The following UBA6 variants were observed in gnomAD, a reference collection of about 807,000 sequenced individuals.
The protein encoded by UBA6 is ubiquitin like modifier activating enzyme 6.
In UBA6, 87 loss-of-function variants were observed where a neutral mutation model predicts 148.3. The observed-to-expected ratio is 0.59, with a 90% confidence interval of 0.49 to 0.70. The LOEUF (loss-of-function observed/expected upper bound fraction) is 0.70, where lower values mean the gene tolerates loss of function less well. UBA6 is among the 30% of genes least tolerant of loss of function. The probability of loss-of-function intolerance (pLI) is 0.00; values close to 1 mark genes in which losing one functional copy is unlikely to be tolerated. For synonymous variants in UBA6, 376 were observed against 401.0 expected (o/e 0.94, Z 0.75); for missense variants, 1,186 against 1,241.2 (o/e 0.96, Z 0.67).
chr4:67,657,085 T>C (rs13135917), intron 13 of UBA6, among the ~76,000 whole-genome samples: 31,112 of 152,014 alleles, frequency 0.2, 3,435 homozygotes, highest in Middle Eastern at 0.3. Context: ...AGAATCAATA[T>C]CATTAAAACG....
intron 13 of UBA6, 132 bp from the exon 14 acceptor site, chr4:67,649,343 T>G: frequency 2.3e-6 from 2 of 851,074 alleles, no homozygotes; most frequent in Non-Finnish European, 3.5e-6. Flanking sequence ...TAAATATCTC[T>G]AAAAATGTCC....
chr4:67,665,427 GTTTGT>G (rs1729971059), intron 9 of UBA6, 135 bp from the exon 10 acceptor site: 11 of 402,990 alleles, frequency 2.7e-5, no homozygotes, highest in East Asian at 5.2e-5. Flanking sequence ...TTTTTTGTTT[GTTTGT>G]TTTTTTTTTT....
At chr4:67,682,768 T>C (rs1167526984) in intron 2 of UBA6, among the ~76,000 whole-genome samples, 3 of 152,212 alleles carry the variant, frequency 2.0e-5, no homozygotes, top group South Asian at 4.1e-4. Flanking sequence ...AGTAATAAAG[T>C]CAATTGTAAG....
intron 17 of UBA6, among the ~76,000 whole-genome samples, chr4:67,642,031 T>C (rs1729319258): frequency 6.6e-6 from 1 of 152,142 alleles, no homozygotes; most frequent in Admixed American, 6.5e-5. Context: ...ATATTTTTAA[T>C]ATTTCTGTGT....
chr4:67,667,000 A>T (rs1373623910), intron 9 of UBA6, among the ~76,000 whole-genome samples: 1 of 152,204 alleles, frequency 6.6e-6, no homozygotes, highest in Non-Finnish European at 1.5e-5. Context: ...AAGCTTCATA[A>T]CAGCCACTCT....
chr4:67,674,307 C>T (rs987823171), intron 6 of UBA6, among the ~76,000 whole-genome samples: 7 of 152,140 alleles, frequency 4.6e-5, no homozygotes, highest in Non-Finnish European at 7.4e-5. Context: ...ACAAGGTATG[C>T]CATGAATGCA....
rs1730314310 is a variant in UBA6 at position 67,677,612 on chromosome 4, T to C, written c.464A>G (p.Gln155Arg). 1 of 1,485,140 alleles carries C rather than the reference T, an allele frequency of 6.7e-7. No individual in the cohort carries two copies. The highest frequency in any genetic ancestry group is 9.3e-7 in the Non-Finnish European group (1 of 1,071,138). The allele number at this position is 1,485,140 out of a possible 1,614,324, so 92.0% of individuals were successfully genotyped here. ...TTDLSFLDKY[Q>R]CVVLTEMKLP... ...TTTAATACAAAATGGAGTACTAACC[T>C]GGTATTTATCTAAAAAGGAGAGATC... The change falls in exon 6 of 33, where the codon CAG becomes CGG. Residue 155 changes from glutamine (Q) to arginine (R), a missense_variant and splice_region_variant. Gln to Arg is a conservative substitution (Grantham distance 43). Transcript: ENST00000322244.
chr4:67,701,015 C>T, intron 1 of UBA6, 34 bp downstream of exon 1: 1 of 1,607,316 alleles, frequency 6.2e-7, no homozygotes, highest in Non-Finnish European at 8.5e-7. Context: ...GTCCCACCCG[C>T]GACCCCTCAC....
intron 18 of UBA6, among the ~76,000 whole-genome samples, chr4:67,639,587 G>A (rs1431751496): frequency 1.3e-5 from 2 of 151,914 alleles, no homozygotes; most frequent in African/African-American, 4.8e-5. Flanking sequence ...TTTCTGGATG[G>A]AAATATTTTC....
chr4:67,687,234 C>A (rs1577839679), intron 2 of UBA6, among the ~76,000 whole-genome samples: 1 of 151,732 alleles, frequency 6.6e-6, no homozygotes, highest in Non-Finnish European at 1.5e-5. Flanking sequence ...GGGGGTTTCA[C>A]CATGTTGGTC....
intron 28 of UBA6, among the ~76,000 whole-genome samples, 195 bp downstream of exon 28, chr4:67,626,165 T>C (rs1295222637): frequency 6.6e-6 from 1 of 151,810 alleles, no homozygotes; most frequent in Non-Finnish European, 1.5e-5. Context: ...TCTTTGAGAG[T>C]AGGGCAATAG....
chr4:67,626,243 T>A, intron 28 of UBA6, 117 bp downstream of exon 28: 1 of 674,020 alleles, frequency 1.5e-6, no homozygotes, highest in Non-Finnish European at 2.6e-6. Context: ...ATGAAATCAA[T>A]CAATATTGTC....
At chr4:67,625,499 C>T (rs1368286860) in intron 28 of UBA6, among the ~76,000 whole-genome samples, 2 of 151,536 alleles carry the variant, frequency 1.3e-5, no homozygotes, top group East Asian at 3.9e-4. Flanking sequence ...GTGTACTGCA[C>T]ATCTCCTATC....
At chr4:67,697,257 A>C (rs1393254959) in intron 1 of UBA6, among the ~76,000 whole-genome samples, 1 of 152,230 alleles carries the variant, frequency 6.6e-6, no homozygotes, top group African/African-American at 2.4e-5. Flanking sequence ...CACCCGCCTC[A>C]GCGTCCCAAA....
chr4:67,614,981 AGAGTGACACTTCAAT>A lies in UBA6; in HGVS notation c.*4001_*4015del, dbSNP rs1377215090. 6 of 152,248 alleles carry A rather than the reference AGAGTGACACTTCAAT, an allele frequency of 3.9e-5. No homozygotes were observed. Among genetic ancestry groups the A allele is most frequent in the Non-Finnish European group, 8.8e-5 (6 of 68,050 alleles). The allele number at this position is 152,248 out of a possible 1,614,324, so 9.4% of individuals were successfully genotyped here. On this transcript the variant is annotated 3_prime_UTR_variant, in exon 33 of 33. Transcript: ENST00000322244. ...AACTTCACAGGTAATAGAGAAATGC[AGAGTGACACTTCAAT>A]GAGATACAATTGCACATCCACCAGA... is the stretch of plus-strand genomic sequence containing the variant.
intron 20 of UBA6, 56 bp downstream of exon 20, chr4:67,635,397 G>T (rs765932687): frequency 8.8e-7 from 1 of 1,131,016 alleles, no homozygotes; most frequent in South Asian, 1.3e-5. Context: ...TGTTGATTAA[G>T]ACAAAAATTA....
intron 31 of UBA6, 98 bp from the exon 32 acceptor site, chr4:67,623,023 A>G: frequency 4.4e-6 from 6 of 1,367,776 alleles, no homozygotes; most frequent in Non-Finnish European, 2.0e-6. Context: ...TGACCAGTAA[A>G]AAAAGCAAAT....
chr4:67,679,582 T>C (rs1312850085), intron 4 of UBA6, among the ~76,000 whole-genome samples: 1 of 152,060 alleles, frequency 6.6e-6, no homozygotes, highest in Non-Finnish European at 1.5e-5. Context: ...ACATTATTAT[T>C]AACAATATTG....
intron 20 of UBA6, among the ~76,000 whole-genome samples, chr4:67,634,926 C>T (rs1729100619): frequency 6.6e-6 from 1 of 152,038 alleles, no homozygotes; most frequent in South Asian, 2.1e-4. Flanking sequence ...TGGAGAAAAA[C>T]ATCTGGGAGC....
Sources: gnomAD v4.1 joint callset for allele counts (sites outside exome capture counted in the v4.1 genomes callset) on GRCh38, gnomAD v4.1.1 for gene constraint, MANE v1.5 for transcripts, NCBI Gene and HGNC (gene_info 2026-07-23, HGNC 2026-07-21) for gene names.